The following NUFIP2 variants were observed in gnomAD, a reference collection of about 807,000 sequenced individuals.
The protein encoded by NUFIP2 is nuclear FMR1 interacting protein 2, also known as FMR1-interacting protein NUFIP2.
NUFIP2 carries 6 observed loss-of-function variants against 56.9 expected under a neutral mutation model. That is an observed-to-expected ratio of 0.11 (90% confidence interval 0.06 to 0.21). The LOEUF is 0.21. Ranked by LOEUF, NUFIP2 falls within the 10% of genes least tolerant of loss-of-function variation. The pLI is 1.00. For synonymous variants in NUFIP2, 321 were observed against 298.2 expected, an observed-to-expected ratio of 1.08 and a Z score of -0.79; for missense variants, 828 against 826.8, an observed-to-expected ratio of 1.00 and a Z score of -0.02.
Position 29,260,902 on chromosome 17 carries a change from C to T in NUFIP2, c.*3637G>A, listed in dbSNP as rs2068998629. The T allele has an allele frequency of 6.6e-6, 1 of 152,096 alleles. No individual in the cohort carries two copies. Among genetic ancestry groups the T allele is most frequent in the Admixed American group, 6.5e-5 (1 of 15,280 alleles). 9.4% of individuals were successfully genotyped at this position (152,096 alleles called of 1,614,324 possible). On this transcript the variant is annotated 3_prime_UTR_variant, in exon 4 of 4. Coordinates refer to ENST00000225388, the MANE Select transcript of NUFIP2 (RefSeq NM_020772.3). ...AGAAAAAAAAATCTGTCATTAAATT[C>T]CTAGTTATTGGCTATCCCCTCCTAG...
At chr17:29,284,397 C>T (rs969289655) in intron 2 of NUFIP2, among the ~76,000 whole-genome samples, 1 of 151,976 alleles carries the variant, frequency 6.6e-6, no homozygotes, top group African/African-American at 2.4e-5. Flanking sequence ...ACAAACAAAC[C>T]ACATTCTAAG....
Position 29,259,025 on chromosome 17 carries a change from T to A in NUFIP2, c.*5514A>T, listed in dbSNP as rs1165594653. 6.6e-6 allele frequency: 1 copy of A among 152,216 alleles called. No individual in the cohort carries two copies. Among genetic ancestry groups the A allele is most frequent in the Non-Finnish European group, 1.5e-5 (1 of 68,042 alleles). The allele number at this position is 152,216 out of a possible 1,614,324, so 9.4% of individuals were successfully genotyped here. The stretch of plus-strand genomic sequence containing the variant: ...CTAAAGGCATTCATTCATATTTACA[T>A]ATTAAAACCACTTTTGTTAACACCA... On this transcript the variant is annotated 3_prime_UTR_variant, in exon 4 of 4. Transcript: ENST00000225388.
At position 29,258,254 on chromosome 17, in the gene NUFIP2, T is replaced by G. The variant is rs1299553323; in HGVS notation, c.*6285A>C. The G allele has an allele frequency of 6.6e-6, 1 of 152,220 alleles. No individual in the cohort carries two copies. Among genetic ancestry groups the G allele is most frequent in the African/African-American group, 2.4e-5 (1 of 41,472 alleles). The allele number at this position is 152,220 out of a possible 1,614,324, so 9.4% of individuals were successfully genotyped here. Reference sequence around the variant, plus strand: ...CTCATTTGGTGTTTCCCACCCATTATTTTGGGTTCAATCACCTTCAAGTTT... The same window carrying G: ...CTCATTTGGTGTTTCCCACCCATTAGTTTGGGTTCAATCACCTTCAAGTTT... On this transcript the variant is annotated 3_prime_UTR_variant, in exon 4 of 4. Transcript: ENST00000225388.
intron 2 of NUFIP2, among the ~76,000 whole-genome samples, chr17:29,272,237 GTTCT>G (rs1362226097): frequency 2.7e-5 from 4 of 147,766 alleles, no homozygotes; most frequent in African/African-American, 9.9e-5. Context: ...TATGAAATGT[GTTCT>G]TTTTTTTTTT....
At chr17:29,269,767 C>G (rs746150914) in intron 2 of NUFIP2, among the ~76,000 whole-genome samples, 1 of 152,008 alleles carries the variant, frequency 6.6e-6, no homozygotes, top group Non-Finnish European at 1.5e-5. Context: ...GTCGCCCAGG[C>G]TGGAGTACAG....
intron 1 of NUFIP2, 73 bp from the exon 2 acceptor site, chr17:29,287,789 G>C: frequency 7.4e-7 from 1 of 1,359,432 alleles, no homozygotes; most frequent in African/African-American, 1.5e-5. Context: ...TAACATTTAA[G>C]AACTATTTAC....
intron 2 of NUFIP2, among the ~76,000 whole-genome samples, chr17:29,279,021 G>A (rs1598433105): frequency 6.6e-6 from 1 of 152,062 alleles, no homozygotes; most frequent in Admixed American, 6.6e-5. Context: ...TCCAACCAGG[G>A]CTAAAACCAA....
At position 29,286,239 on chromosome 17, in the gene NUFIP2, A is replaced by G; in HGVS notation, c.1755T>C (p.Thr585=). 6.2e-7 allele frequency: 1 copy of G among 1,614,210 alleles called. No individual in the cohort carries two copies. The stretch of plus-strand genomic sequence containing the variant: ...CCAAGGATAAGGCTCCACTCTCACT[A>G]GTAGTCCCAGATTTTAGAATGCTAC... ...VLGSILKSGT[T]SESGALSLEP... The change falls in exon 2 of 4, where the codon ACT becomes ACC. Residue 585 remains threonine, a synonymous_variant. Transcript: ENST00000225388.
rs538600825 is a variant in NUFIP2, at chr17:29,287,406, A to G, written c.588T>C (p.Gly196=). The change falls in exon 2 of 4, where the codon GGT becomes GGC. Residue 196 remains glycine, a synonymous_variant. Coordinates refer to ENST00000225388, the MANE Select transcript of NUFIP2 (RefSeq NM_020772.3). ...IPNGVVTNNS[G]YITNGYMGKG... The stretch of plus-strand genomic sequence containing the variant: ...TACCCATATAACCATTAGTAATATA[A>G]CCAGAATTATTTGTTACCACACCAT... 53 of 1,614,060 alleles carry G rather than the reference A, an allele frequency of 3.3e-5. No homozygotes were observed. The East Asian group carries it at 1.1e-3, about 33-fold the overall frequency.
At position 29,286,318 on chromosome 17, in the gene NUFIP2, G is replaced by T. The variant is rs1314158927; in HGVS notation, c.1676C>A (p.Pro559His). Residue 559 changes from proline (P) to histidine (H), a missense_variant, in exon 2 of 4, where the codon CCT becomes CAT. By Grantham distance (77) the Pro-to-His change is moderately conservative (BLOSUM62 -2). Transcript: ENST00000225388. ...AEIIPSGTEHPVFPKAYELEK... is the reference protein window; with the variant it reads ...AEIIPSGTEHHVFPKAYELEK... ...CAGCTCGTAAGCCTTGGGAAACACA[G>T]GATGCTCAGTTCCTGAGGGAATTAT... The T allele has an allele frequency of 1.2e-6, 2 of 1,614,000 alleles. No homozygotes were observed. The highest frequency in any genetic ancestry group is 2.7e-5 in the African/African-American group (2 of 74,894).
chr17:29,269,801 A>G (rs1429201826), intron 2 of NUFIP2, among the ~76,000 whole-genome samples: 1 of 151,994 alleles, frequency 6.6e-6, no homozygotes, highest in African/African-American at 2.4e-5. Flanking sequence ...GCTCACTGCA[A>G]GCTCCGCCTC....
Position 29,293,732 on chromosome 17 carries a change from T to C in NUFIP2, c.277+51A>G, listed in dbSNP as rs530499431. ...TCGGATCCAGCCCCACCCCCATCTC[T>C]CCTGTCCTCCACCCCCAACCCCCTT... On this transcript the variant is annotated intron_variant, in intron 1 of 3. Transcript: ENST00000225388. 9.0e-5 allele frequency: 99 copies of C among 1,101,790 alleles called. No individual in the cohort carries two copies. In the Middle Eastern group the frequency reaches 1.6e-3, roughly 17 times the overall value. The allele number at this position is 1,101,790 out of a possible 1,614,324, so 68.3% of individuals were successfully genotyped here.
At chr17:29,272,906 G>A (rs865789262) in intron 2 of NUFIP2, among the ~76,000 whole-genome samples, 5 of 151,404 alleles carry the variant, frequency 3.3e-5, no homozygotes, top group African/African-American at 1.2e-4. Flanking sequence ...CTGAAGAGCA[G>A]CAGTGGTGCG....
intron 3 of NUFIP2, among the ~76,000 whole-genome samples, chr17:29,265,249 A>G (rs1229908357): frequency 6.6e-6 from 1 of 151,126 alleles, no homozygotes; most frequent in Non-Finnish European, 1.5e-5. Flanking sequence ...TTTAAGCTGC[A>G]TGCTCCCCTC....
intron 2 of NUFIP2, among the ~76,000 whole-genome samples, chr17:29,282,544 T>C (rs1468913161): frequency 1.4e-5 from 2 of 145,362 alleles, no homozygotes; most frequent in African/African-American, 5.2e-5. Context: ...CAAGACCCCA[T>C]CTCAAAAAAA....
At chr17:29,277,949 T>C (rs2069117442) in intron 2 of NUFIP2, among the ~76,000 whole-genome samples, 1 of 151,716 alleles carries the variant, frequency 6.6e-6, no homozygotes, top group Non-Finnish European at 1.5e-5. Context: ...GAGGTAGAGG[T>C]AGCAGTGAGC....
chr17:29,259,591 G>C lies in NUFIP2; in HGVS notation c.*4948C>G, dbSNP rs1239911000. The C allele has an allele frequency of 1.5e-4, 1 of 6,658 alleles. No individual in the cohort carries two copies. The highest frequency in any genetic ancestry group is 4.6e-4 in the African/African-American group (1 of 2,180). The allele number at this position is 6,658 out of a possible 1,614,324, so 0.4% of individuals were successfully genotyped here. A position where few individuals can be genotyped will look rare whatever the true frequency, so the allele number is the denominator to read the frequency against. ...AGTCCGTCTCAAAAAAAAAAAGGTG[G>C]GGGGGGGGGGGATACTGCAGTATTA... On this transcript the variant is annotated 3_prime_UTR_variant, in exon 4 of 4. Coordinates refer to ENST00000225388, the MANE Select transcript of NUFIP2 (RefSeq NM_020772.3).
At chr17:29,276,042 A>ATATATATATATATATATATATATC (rs1206998852) in intron 2 of NUFIP2, among the ~76,000 whole-genome samples, 1 of 150,146 alleles carries the variant, frequency 6.7e-6, no homozygotes, top group African/African-American at 2.5e-5. Context: ...ATATATATAT[A>ATATATATATATATATATATATATC]TATATATCTG....
intron 2 of NUFIP2, among the ~76,000 whole-genome samples, chr17:29,280,491 C>A (rs1358402189): frequency 6.6e-6 from 1 of 152,056 alleles, no homozygotes; most frequent in Non-Finnish European, 1.5e-5. Context: ...CTTAAGGAGG[C>A]TGAAGCAGAA....
Sources: allele counts gnomAD v4.1 joint callset (sites outside exome capture counted in the v4.1 genomes callset), GRCh38; gene constraint gnomAD v4.1.1; transcripts MANE v1.5; gene names NCBI Gene and HGNC (gene_info 2026-07-23, HGNC 2026-07-21).